SPECC1: variants seen among roughly 807,000 people sequenced by gnomAD.
SPECC1 encodes sperm antigen with calponin homology and coiled-coil domains 1.
In SPECC1, 62 loss-of-function variants were observed where a neutral mutation model predicts 104.1. The observed-to-expected ratio is 0.60, with a 90% CI of 0.49 to 0.74. The LOEUF is 0.74. Among genes scored for constraint, SPECC1 ranks in the 30% least tolerant of loss-of-function variants. SPECC1 has a pLI of 0.00. For missense variants in SPECC1, 1,306 were observed against 1,310.5 expected, an observed-to-expected ratio of 1.00 and a Z score of 0.05; for synonymous variants, 513 against 501.6, an observed-to-expected ratio of 1.02 and a Z score of -0.30.
intron 10 of SPECC1, among the ~76,000 whole-genome samples, chr17:20,256,003 G>T (rs1047030256): frequency 1.3e-5 from 2 of 151,772 alleles, no homozygotes; most frequent in African/African-American, 4.8e-5. Flanking sequence ...TCAGCCTCCC[G>T]AGTAGCTGGG....
At chr17:20,026,451 C>G (rs1451877505) in intron 1 of SPECC1, among the ~76,000 whole-genome samples, 1 of 152,122 alleles carries the variant, frequency 6.6e-6, no homozygotes, top group Non-Finnish European at 1.5e-5. Flanking sequence ...AAATTTTTAT[C>G]CATTAACTTT....
At chr17:20,089,479 T>A (rs752400316) in intron 1 of SPECC1, among the ~76,000 whole-genome samples, 2 of 151,350 alleles carry the variant, frequency 1.3e-5, no homozygotes, top group African/African-American at 4.9e-5. Flanking sequence ...AAAAAAAAAA[T>A]TAGCCAGGCG....
intron 3 of SPECC1, among the ~76,000 whole-genome samples, chr17:20,144,381 T>C (rs1406329326): frequency 1.3e-5 from 2 of 151,570 alleles, no homozygotes; most frequent in Non-Finnish European, 2.9e-5. Flanking sequence ...TGTAGAGATG[T>C]GGTCTCCCTG....
At chr17:20,305,051 TG>T (rs1304414115) in intron 13 of SPECC1, among the ~76,000 whole-genome samples, 1 of 152,064 alleles carries the variant, frequency 6.6e-6, no homozygotes. Flanking sequence ...GGGGTGATTT[TG>T]GGCGACTGGT....
intron 1 of SPECC1, among the ~76,000 whole-genome samples, chr17:20,026,782 TC>T (rs1255173510): frequency 6.6e-6 from 1 of 152,198 alleles, no homozygotes; most frequent in Non-Finnish European, 1.5e-5. Flanking sequence ...CTGACTTCTT[TC>T]CTTTGGATAA....
intron 3 of SPECC1, chr17:20,156,188 C>T (rs1236061291): frequency 6.9e-7 from 1 of 1,446,666 alleles, no homozygotes; most frequent in East Asian, 3.0e-5. Flanking sequence ...GTGCCCGAGT[C>T]GGCCAAGCAT....
chr17:20,317,258 A>ATTTTTTTTTTTTTTTTTTTT lies in SPECC1; in HGVS notation c.*3193_*3194insTTTTTTTTTTTTTTTTTTTT, dbSNP rs1173603591. ...GGCAAGACCTCTGACTCTATAAAAA[A>ATTTTTTTTTTTTTTTTTTTT]ATTTTTTTTTTTTTTTTTTTTTGAG... On this transcript the variant is annotated 3_prime_UTR_variant, in exon 15 of 15. Coordinates refer to ENST00000395527, the MANE Select transcript of SPECC1 (RefSeq NM_001243439.2). The ATTTTTTTTTTTTTTTTTTTT allele has an allele frequency of 5.4e-5, 2 of 37,368 alleles. No homozygotes were observed. The highest frequency in any genetic ancestry group is 1.3e-3 in the South Asian group (1 of 796). 2.3% of individuals were successfully genotyped at this position (37,368 alleles called of 1,614,324 possible).
chr17:20,267,019 C>G (rs1329968640), intron 12 of SPECC1, among the ~76,000 whole-genome samples: 1 of 152,164 alleles, frequency 6.6e-6, no homozygotes, highest in Non-Finnish European at 1.5e-5. Flanking sequence ...ACCCACCTGC[C>G]GAGCTCCGGG....
intron 14 of SPECC1, among the ~76,000 whole-genome samples, chr17:20,313,593 A>G (rs1280952461): frequency 6.6e-6 from 1 of 152,240 alleles, no homozygotes; most frequent in Non-Finnish European, 1.5e-5. Flanking sequence ...CCCACGTAAT[A>G]GCGCGTGCAG....
chr17:20,016,903 C>CT (rs2044154965), intron 1 of SPECC1, among the ~76,000 whole-genome samples: 1 of 152,220 alleles, frequency 6.6e-6, no homozygotes. Context: ...CTGGTGGGGA[C>CT]TTGAGAACCT....
rs541331882 is a variant in SPECC1 at position 20,249,416 on chromosome 17, T to TTAAAA, written c.2598+2113_2598+2117dup. Among the ~76,000 whole-genome samples, 13 of 152,134 alleles carry TTAAAA rather than the reference T, an allele frequency of 8.5e-5. No homozygotes were observed. In the East Asian group the frequency reaches 1.5e-3, roughly 18 times the overall value. Reference sequence around the variant, plus strand: ...CTGGGCAACAGAGCAAGACTCCATCTTAAAATAAAATAAAATAAAACAAAA... The same window carrying TTAAAA: ...CTGGGCAACAGAGCAAGACTCCATCTTAAAATAAAATAAAATAAAATAAAACAAAA... On this transcript the variant is annotated intron_variant, in intron 9 of 14. Transcript: ENST00000395527.
intron 1 of SPECC1, among the ~76,000 whole-genome samples, chr17:20,045,394 G>A (rs1388798666): frequency 1.3e-5 from 2 of 152,128 alleles, no homozygotes; most frequent in African/African-American, 4.8e-5. Flanking sequence ...ACCATTTTGT[G>A]TGTGTATCTG....
intron 1 of SPECC1, among the ~76,000 whole-genome samples, chr17:20,034,899 G>A (rs905580044): frequency 2.0e-5 from 3 of 152,068 alleles, no homozygotes; most frequent in African/African-American, 4.8e-5. Flanking sequence ...GCCACCGTGC[G>A]TGGCCTTTTT....
At chr17:20,126,227 T>A (rs1186990282) in intron 3 of SPECC1, among the ~76,000 whole-genome samples, 1 of 152,118 alleles carries the variant, frequency 6.6e-6, no homozygotes, top group African/African-American at 2.4e-5. Context: ...CTCCTTTCCT[T>A]TTTGTTGAGT....
At chr17:20,041,381 T>C (rs909867735) in intron 1 of SPECC1, among the ~76,000 whole-genome samples, 15 of 151,954 alleles carry the variant, frequency 9.9e-5, no homozygotes, top group African/African-American at 3.6e-4. Flanking sequence ...TAGCTAGGAT[T>C]ACAGGCATGT....
At position 20,032,271 on chromosome 17, in the gene SPECC1, G is replaced by T. The variant is rs564174403; in HGVS notation, c.-22+22847G>T. ...GGTTCTTTTTGTATTTATCCTACTT[G>T]GAATTCATTGAGTTTCTTGATTGTA... On this transcript the variant is annotated intron_variant, in intron 1 of 14. Transcript: ENST00000395527. 4.8e-4 allele frequency among the ~76,000 whole-genome samples: 73 copies of T among 152,016 alleles called. No individual in the cohort carries two copies. The South Asian group carries it at 0.015, about 32-fold the overall frequency.
intron 12 of SPECC1, among the ~76,000 whole-genome samples, chr17:20,275,874 A>G (rs1207546331): frequency 6.6e-6 from 1 of 151,586 alleles, no homozygotes; most frequent in East Asian, 1.9e-4. Context: ...TCTTACTCTG[A>G]CTGTGGTTTG....
At chr17:20,126,213 TCTC>T (rs2152541950) in intron 3 of SPECC1, among the ~76,000 whole-genome samples, 1 of 152,268 alleles carries the variant, frequency 6.6e-6, no homozygotes, top group East Asian at 1.9e-4. Context: ...CCTGCTCTCC[TCTC>T]CTCCTTTCCT....
At position 20,204,515 on chromosome 17, in the gene SPECC1, C is replaced by G; in HGVS notation, c.466C>G (p.Gln156Glu). 2 of 1,614,062 alleles carry G rather than the reference C, an allele frequency of 1.2e-6. No homozygotes were observed. Among genetic ancestry groups the G allele is most frequent in the Non-Finnish European group, 1.7e-6 (2 of 1,180,032 alleles). ...GAGGACCCCTTCCACAAAGCCCAAG[C>G]AAGAGAATGAAGGTGGAGAAAAGGC... ...HLRTPSTKPK[Q>E]ENEGGEKAAL... is the part of the protein sequence containing the mutation. The change falls in exon 4 of 15, where the codon CAA becomes GAA. Residue 156 changes from glutamine to glutamate, a missense_variant. Physicochemically the swap from Gln to Glu is conservative, Grantham distance 29. This residue lies in a region of SPECC1 where 1,177 missense variants were observed against 1,139.9 expected (regional missense o/e 1.03). Coordinates refer to ENST00000395527, the MANE Select transcript of SPECC1 (RefSeq NM_001243439.2).
Sources: gnomAD v4.1 joint callset for allele counts (sites outside exome capture counted in the v4.1 genomes callset) on GRCh38, gnomAD v4.1.1 for gene constraint, gnomAD v4.1.1 regional missense constraint, MANE v1.5 for transcripts, NCBI Gene and HGNC (gene_info 2026-07-23, HGNC 2026-07-21) for gene names.